Variants in HECW2 observed in about 807,000 individuals in gnomAD.
HECW2 encodes the protein E3 ubiquitin-protein ligase HECW2.
HECW2 carries 61 observed loss-of-function variants against 175.2 expected under a neutral mutation model. The ratio of observed to expected loss-of-function variants is 0.35; its 90% confidence interval spans 0.28 to 0.43. The LOEUF is 0.43. Among genes scored for constraint, HECW2 ranks in the 20% least tolerant of loss-of-function variants. HECW2 has a pLI of 1.00. For synonymous variants in HECW2, 671 were observed against 731.0 expected (o/e 0.92, Z 1.32); for missense variants, 1,524 against 2,000.5 (o/e 0.76, Z 4.54).
At chr2:196,424,951 G>A (rs1245507706) in intron 2 of HECW2, among the ~76,000 whole-genome samples, 1 of 151,186 alleles carries the variant, frequency 6.6e-6, no homozygotes. Context: ...CATAGCTAGA[G>A]GAGATGTCAA....
At chr2:196,572,023 C>G (rs1389765882) in intron 1 of HECW2, among the ~76,000 whole-genome samples, 4 of 152,158 alleles carry the variant, frequency 2.6e-5, no homozygotes, top group Non-Finnish European at 4.4e-5. Flanking sequence ...TGAAATAAGC[C>G]AGTCACAAAA....
chr2:196,421,611 A>T (rs371171832), intron 2 of HECW2, among the ~76,000 whole-genome samples: 79 of 152,346 alleles, frequency 5.2e-4, no homozygotes, highest in Admixed American at 6.5e-4. Flanking sequence ...TTGCAATCAG[A>T]ACAAAGAATT....
At chr2:196,320,845 C>T (rs535722323) in intron 7 of HECW2, among the ~76,000 whole-genome samples, 4 of 152,266 alleles carry the variant, frequency 2.6e-5, no homozygotes, top group Non-Finnish European at 4.4e-5. Context: ...CCTGGTTCCT[C>T]GGCATTTAGC....
At chr2:196,416,368 T>C (rs1695257472) in intron 2 of HECW2, among the ~76,000 whole-genome samples, 1 of 152,214 alleles carries the variant, frequency 6.6e-6, no homozygotes, top group Non-Finnish European at 1.5e-5. Context: ...AGTATTTCTA[T>C]GTATTTGATC....
rs1444599855 is a variant in HECW2, at chr2:196,195,600, T to C, written c.*5677A>G. Reference sequence around the variant, plus strand: ...TGCAACCTCACTCTTAGGATTTCACTTTCCAGATTAACAGAGAGCATTTAA... The same window carrying C: ...TGCAACCTCACTCTTAGGATTTCACCTTCCAGATTAACAGAGAGCATTTAA... On this transcript the variant is annotated 3_prime_UTR_variant, in exon 29 of 29. Transcript: ENST00000644978. 1.3e-5 allele frequency: 2 copies of C among 152,234 alleles called. No homozygotes were observed. The highest frequency in any genetic ancestry group is 3.8e-4 in the East Asian group (2 of 5,206). 9.4% of individuals were successfully genotyped at this position (152,234 alleles called of 1,614,324 possible).
intron 1 of HECW2, among the ~76,000 whole-genome samples, chr2:196,461,977 T>C (rs1696763721): frequency 6.6e-6 from 1 of 152,142 alleles, no homozygotes; most frequent in Non-Finnish European, 1.5e-5. Context: ...AACTCATAAC[T>C]GGAAAAAACC....
At chr2:196,385,970 T>C (rs894367629) in intron 2 of HECW2, among the ~76,000 whole-genome samples, 1 of 151,348 alleles carries the variant, frequency 6.6e-6, no homozygotes, top group Non-Finnish European at 1.5e-5. Context: ...CTTCTTCCTA[T>C]TAACATACAC....
chr2:196,382,946 G>A (rs1694248720), intron 2 of HECW2, among the ~76,000 whole-genome samples: 2 of 152,074 alleles, frequency 1.3e-5, no homozygotes, highest in South Asian at 4.1e-4. Flanking sequence ...CATGATCAGG[G>A]ACAAAACTAT....
intron 1 of HECW2, among the ~76,000 whole-genome samples, chr2:196,553,599 C>G (rs955661719): frequency 2.6e-5 from 4 of 152,214 alleles, no homozygotes; most frequent in African/African-American, 9.6e-5. Flanking sequence ...GGCTCCTCAG[C>G]AGGATGAAGC....
chr2:196,382,795 T>TG (rs113818531), intron 2 of HECW2, among the ~76,000 whole-genome samples: 38,838 of 65,248 alleles, frequency 0.6, 6,389 homozygotes, highest in African/African-American at 0.65. Flanking sequence ...CCAGGGTAGC[T>TG]CCATGATAAC....
chr2:196,326,175 C>T (rs778798755), intron 5 of HECW2, among the ~76,000 whole-genome samples: 1 of 152,164 alleles, frequency 6.6e-6, no homozygotes. Flanking sequence ...GATAGTGACT[C>T]TTAAATTATA....
At chr2:196,507,612 A>G (rs1022303381) in intron 1 of HECW2, among the ~76,000 whole-genome samples, 8 of 152,244 alleles carry the variant, frequency 5.3e-5, no homozygotes, top group Admixed American at 1.3e-4. Flanking sequence ...GACTTAAAGG[A>G]AATGCAACAT....
chr2:196,216,056 A>G, intron 27 of HECW2, 79 bp from the exon 28 acceptor site: 1 of 928,060 alleles, frequency 1.1e-6, no homozygotes, highest in Non-Finnish European at 1.7e-6. Context: ...ATTCACGGGC[A>G]GAGCTCCTGA....
chr2:196,319,339 T>C lies in HECW2; in HGVS notation c.1551A>G (p.Glu517=). The C allele has an allele frequency of 6.2e-7, 1 of 1,614,178 alleles. No individual in the cohort carries two copies. Residue 517 remains glutamate, a synonymous_variant, in exon 9 of 29, where the codon GAA becomes GAG. Transcript: ENST00000644978. ...KLEDNPVENE[E]ASTHEAASFE... is the part of the protein sequence containing the mutation. ...AGGAAGCAGCTTCGTGTGTGGAGGC[T>C]TCCTCATTCTCAACAGGGTTGTCCT...
intron 28 of HECW2, among the ~76,000 whole-genome samples, chr2:196,209,356 T>G (rs1217228361): frequency 6.6e-6 from 1 of 152,162 alleles, no homozygotes; most frequent in Non-Finnish European, 1.5e-5. Context: ...TATGATAAAT[T>G]TACCCACCTC....
At chr2:196,334,008 T>TA (rs1468086002) in intron 4 of HECW2, among the ~76,000 whole-genome samples, 1 of 152,194 alleles carries the variant, frequency 6.6e-6, no homozygotes, top group Non-Finnish European at 1.5e-5. Flanking sequence ...ACTGCCAACT[T>TA]AGACTCCCTT....
At chr2:196,264,283 T>C (rs1231293616) in intron 17 of HECW2, 1 of 152,206 alleles carries the variant, frequency 6.6e-6, no homozygotes, top group Non-Finnish European at 1.5e-5. Flanking sequence ...GTTTCAGCAC[T>C]GATATTTTGC....
intron 10 of HECW2, among the ~76,000 whole-genome samples, chr2:196,311,219 C>G (rs1273128244): frequency 6.6e-6 from 1 of 152,200 alleles, no homozygotes; most frequent in East Asian, 1.9e-4. Flanking sequence ...AAATGTTTCT[C>G]AAGGTAGGTG....
intron 1 of HECW2, among the ~76,000 whole-genome samples, chr2:196,583,344 C>A (rs1690860698): frequency 6.6e-6 from 1 of 152,214 alleles, no homozygotes; most frequent in Non-Finnish European, 1.5e-5. Context: ...TTCATTTCCA[C>A]ACTTACTTCT....
Sources: gnomAD v4.1 joint callset for allele counts (sites outside exome capture counted in the v4.1 genomes callset) on GRCh38, gnomAD v4.1.1 for gene constraint, MANE v1.5 for transcripts, NCBI Gene and HGNC (gene_info 2026-07-23, HGNC 2026-07-21) for gene names.